Variants in ZNF407 observed in about 807,000 individuals in gnomAD.
The protein encoded by ZNF407 is zinc finger protein 407.
A neutral mutation model predicts 131.2 loss-of-function variants in ZNF407; 17 were observed. That is an observed-to-expected ratio of 0.13 (90% confidence interval 0.09 to 0.19). The LOEUF (loss-of-function observed/expected upper bound fraction) is 0.19, where lower values mean the gene tolerates loss of function less well. ZNF407 is among the 10% of genes least tolerant of loss of function. ZNF407 has a pLI of 1.00. For synonymous variants in ZNF407, 1,156 were observed against 1,062.0 expected (o/e 1.09, Z -1.72); for missense variants, 2,681 against 2,830.6 (o/e 0.95, Z 1.20).
At chr18:74,928,759 G>A (rs1971945002) in intron 8 of ZNF407, among the ~76,000 whole-genome samples, 1 of 152,074 alleles carries the variant, frequency 6.6e-6, no homozygotes, top group Admixed American at 6.6e-5. Flanking sequence ...GGACCTTGTA[G>A]GGAGGCCTGT....
At chr18:74,866,207 C>G (rs1313017073) in intron 4 of ZNF407, among the ~76,000 whole-genome samples, 1 of 152,206 alleles carries the variant, frequency 6.6e-6, no homozygotes, top group Non-Finnish European at 1.5e-5. Context: ...ACTAAAATCG[C>G]ATCTTGGTGA....
chr18:74,870,108 C>G (rs915481949), intron 4 of ZNF407, among the ~76,000 whole-genome samples: 2 of 152,170 alleles, frequency 1.3e-5, no homozygotes, highest in African/African-American at 2.4e-5. Flanking sequence ...TCTTAGTAGA[C>G]TGAGGCAGCC....
chr18:74,740,731 G>A (rs1396250654), intron 3 of ZNF407, among the ~76,000 whole-genome samples: 2 of 152,100 alleles, frequency 1.3e-5, no homozygotes, highest in Non-Finnish European at 2.9e-5. Flanking sequence ...TCCCTTGTAT[G>A]GATACTGCCT....
chr18:74,843,642 T>G (rs554979419), intron 4 of ZNF407, among the ~76,000 whole-genome samples: 6 of 152,346 alleles, frequency 3.9e-5, no homozygotes, highest in African/African-American at 1.4e-4. Flanking sequence ...ATACTCATAC[T>G]GGAGGGAATG....
At chr18:74,604,449 A>G (rs1055257338) in intron 1 of ZNF407, among the ~76,000 whole-genome samples, 2 of 152,226 alleles carry the variant, frequency 1.3e-5, no homozygotes, top group African/African-American at 4.8e-5. Flanking sequence ...GGGAAGAACA[A>G]GAGCCACAGC....
intron 3 of ZNF407, among the ~76,000 whole-genome samples, chr18:74,676,908 C>G (rs957846879): frequency 6.6e-5 from 10 of 152,136 alleles, no homozygotes; most frequent in Admixed American, 6.5e-4. Flanking sequence ...TCATGGCACT[C>G]GGGAGCAGAG....
chr18:74,893,830 A>T (rs1241427598), intron 7 of ZNF407, among the ~76,000 whole-genome samples: 1 of 152,012 alleles, frequency 6.6e-6, no homozygotes, highest in Non-Finnish European at 1.5e-5. Flanking sequence ...TTTAACTTCT[A>T]GTTTTATGTT....
At chr18:74,678,172 A>G (rs1966896967) in intron 3 of ZNF407, among the ~76,000 whole-genome samples, 1 of 152,120 alleles carries the variant, frequency 6.6e-6, no homozygotes, top group African/African-American at 2.4e-5. Context: ...GAATCATTAC[A>G]GTAATAACTT....
At chr18:74,750,078 A>G (rs1163671916) in intron 3 of ZNF407, among the ~76,000 whole-genome samples, 1 of 152,124 alleles carries the variant, frequency 6.6e-6, no homozygotes, top group Non-Finnish European at 1.5e-5. Context: ...GCACATATGT[A>G]AGCTTCTCAG....
Position 75,064,330 on chromosome 18 carries a change from G to C in ZNF407, c.6609G>C (p.Gly2203=). 1 of 1,594,722 alleles carries C rather than the reference G, an allele frequency of 6.3e-7. No homozygotes were observed. Among genetic ancestry groups the C allele is most frequent in the Non-Finnish European group, 8.5e-7 (1 of 1,171,510 alleles). The change falls in exon 9 of 9, where the codon GGG becomes GGC. Residue 2203 remains glycine (G), a synonymous_variant. Transcript: ENST00000299687. The part of the protein sequence containing the change: ...TADSQELLQA[G]ATLGTEAGAP... ...ACTCGCAGGAACTCCTGCAGGCCGG[G>C]GCCACGCTAGGCACAGAGGCCGGGG...
Position 74,967,242 on chromosome 18 carries a change from C to T in ZNF407, c.5428+46550C>T, listed in dbSNP as rs886179754. Among the ~76,000 whole-genome samples the T allele has an allele frequency of 1.3e-4, 19 of 151,192 alleles. 1 individual carries two copies. Among genetic ancestry groups the T allele is most frequent in the Admixed American group, 7.9e-4 (12 of 15,186 alleles). ...ATCCTGGGCGACAGAGACCCTAACA[C>T]GAAAAAAGAAAGAAAGAAAGACGGA... On this transcript the variant is annotated intron_variant, in intron 8 of 8. Transcript: ENST00000299687.
At chr18:75,059,314 C>T (rs1328783932) in intron 8 of ZNF407, among the ~76,000 whole-genome samples, 1 of 152,216 alleles carries the variant, frequency 6.6e-6, no homozygotes, top group African/African-American at 2.4e-5. Context: ...TGCACCATTT[C>T]TTCCTGAGAC....
intron 7 of ZNF407, among the ~76,000 whole-genome samples, chr18:74,906,938 GCA>G (rs1485338643): frequency 6.6e-6 from 1 of 152,066 alleles, no homozygotes; most frequent in Admixed American, 6.5e-5. Flanking sequence ...ATATGTGTGT[GCA>G]CACACACTGT....
chr18:74,686,412 T>C lies in ZNF407; in HGVS notation c.4802+45290T>C, dbSNP rs1483435271. On this transcript the variant is annotated intron_variant, in intron 3 of 8. Transcript: ENST00000299687. ...CCAGAATGAGGTTTTTATCCATTCA[T>C]GTATCAGTGAAACTTTCCACACTTC... Among the ~76,000 whole-genome samples, 3 of 152,228 alleles carry C rather than the reference T, an allele frequency of 2.0e-5. No individual in the cohort carries two copies. In the East Asian group the frequency reaches 5.8e-4, roughly 29 times the overall value.
chr18:74,823,488 A>C (rs541310122), intron 4 of ZNF407, among the ~76,000 whole-genome samples: 12 of 152,344 alleles, frequency 7.9e-5, no homozygotes, highest in African/African-American at 2.9e-4. Flanking sequence ...AAAAACACAC[A>C]GAAGTTCAAA....
At chr18:74,652,127 C>A (rs1438377471) in intron 3 of ZNF407, among the ~76,000 whole-genome samples, 1 of 151,960 alleles carries the variant, frequency 6.6e-6, no homozygotes, top group Non-Finnish European at 1.5e-5. Flanking sequence ...TTTTTTCTAC[C>A]CTTTTAAAGA....
intron 3 of ZNF407, among the ~76,000 whole-genome samples, chr18:74,654,300 G>A (rs1985355127): frequency 6.6e-6 from 1 of 151,758 alleles, no homozygotes; most frequent in Non-Finnish European, 1.5e-5. Context: ...AAACATGGCA[G>A]CACCTCTGGC....
chr18:74,769,023 A>G (rs1195841569), intron 3 of ZNF407, among the ~76,000 whole-genome samples: 2 of 152,034 alleles, frequency 1.3e-5, no homozygotes, highest in African/African-American at 4.8e-5. Context: ...CATTATCATC[A>G]TCATTGCAGT....
At chr18:74,871,794 C>G (rs529501327) in intron 4 of ZNF407, among the ~76,000 whole-genome samples, 1 of 150,906 alleles carries the variant, frequency 6.6e-6, no homozygotes, top group South Asian at 2.1e-4. Context: ...TTTTGAATTA[C>G]AAAAATTTTC....
Sources: allele counts gnomAD v4.1 joint callset (sites outside exome capture counted in the v4.1 genomes callset), GRCh38; gene constraint gnomAD v4.1.1; transcripts MANE v1.5; gene names NCBI Gene and HGNC (gene_info 2026-07-23, HGNC 2026-07-21).